Variants in MIGA1 observed in about 807,000 individuals in gnomAD.
MIGA1 encodes family with sequence similarity 73, member A.
MIGA1 carries 58 observed loss-of-function variants against 82.0 expected under a neutral mutation model. The observed-to-expected ratio is 0.71, with a 90% CI of 0.57 to 0.88. MIGA1 has a LOEUF of 0.88. MIGA1 is among the 40% of genes least tolerant of loss of function. The probability of loss-of-function intolerance (pLI) is 0.00; values close to 1 mark genes in which losing one functional copy is unlikely to be tolerated. For synonymous variants in MIGA1, 249 were observed against 253.6 expected (o/e 0.98, Z 0.17); for missense variants, 751 against 749.1 (o/e 1.00, Z -0.03).
chr1:77,869,895 C>T (rs1407876951), intron 14 of MIGA1, among the ~76,000 whole-genome samples: 2 of 125,558 alleles, frequency 1.6e-5, no homozygotes, highest in Admixed American at 7.3e-5. Flanking sequence ...CCGGACGGGG[C>T]GGCTGGCCGG....
At chr1:77,811,226 C>T (rs1683314902) in intron 5 of MIGA1, 20 of 1,557,470 alleles carry the variant, frequency 1.3e-5, no homozygotes, top group Non-Finnish European at 1.7e-5. Flanking sequence ...ATATAGGGAT[C>T]GATGCACTGC....
Position 77,875,127 on chromosome 1 carries a change from G to C in MIGA1, c.*63G>C. The C allele has an allele frequency of 7.6e-7, 1 of 1,323,602 alleles. No homozygotes were observed. The allele number at this position is 1,323,602 out of a possible 1,614,324, so 82.0% of individuals were successfully genotyped here. ...ATATTTTAAGGTAACTATTGATTTT[G>C]TAACATATATTACAAAGTTAACAGA... On this transcript the variant is annotated 3_prime_UTR_variant, in exon 16 of 16. Coordinates refer to ENST00000370791, the MANE Select transcript of MIGA1 (RefSeq NM_198549.4).
At chr1:77,854,431 C>T (rs527454396) in intron 8 of MIGA1, among the ~76,000 whole-genome samples, 5 of 152,140 alleles carry the variant, frequency 3.3e-5, no homozygotes, top group African/African-American at 9.7e-5. Context: ...GTGGGCTTGC[C>T]GGATCAAATG....
intron 7 of MIGA1, among the ~76,000 whole-genome samples, chr1:77,825,172 A>G (rs1250092293): frequency 6.6e-6 from 1 of 151,548 alleles, no homozygotes; most frequent in Non-Finnish European, 1.5e-5. Context: ...ACACCTGGCT[A>G]ATTTCTGTAT....
intron 8 of MIGA1, among the ~76,000 whole-genome samples, chr1:77,856,796 A>G (rs938742431): frequency 6.6e-6 from 1 of 151,990 alleles, no homozygotes. Context: ...CTAAAGGTCT[A>G]TCAATTTTAT....
At chr1:77,867,287 A>C (rs1685706123) in intron 14 of MIGA1, among the ~76,000 whole-genome samples, 1 of 152,130 alleles carries the variant, frequency 6.6e-6, no homozygotes, top group African/African-American at 2.4e-5. Context: ...CAGTTTCCTT[A>C]TCTCTAAAAA....
At chr1:77,872,782 C>G (rs566489368) in intron 14 of MIGA1, among the ~76,000 whole-genome samples, 1 of 152,202 alleles carries the variant, frequency 6.6e-6, no homozygotes, top group Non-Finnish European at 1.5e-5. Flanking sequence ...GTCATGAGCC[C>G]TGCACTATAG....
intron 2 of MIGA1, among the ~76,000 whole-genome samples, chr1:77,795,769 A>G (rs1426593377): frequency 6.7e-6 from 1 of 150,368 alleles, no homozygotes; most frequent in Admixed American, 6.7e-5. Flanking sequence ...AGCTGGGATT[A>G]TAGGTGTGCG....
chr1:77,800,136 G>A (rs1454662711), intron 2 of MIGA1, among the ~76,000 whole-genome samples: 1 of 152,156 alleles, frequency 6.6e-6, no homozygotes, highest in Non-Finnish European at 1.5e-5. Flanking sequence ...CACAGAAGCT[G>A]CTGTTTCCCT....
chr1:77,870,749 T>C (rs1291225659), intron 14 of MIGA1, among the ~76,000 whole-genome samples: 1 of 145,320 alleles, frequency 6.9e-6, no homozygotes. Context: ...GAGGTGGAGG[T>C]TGTAGCGAGC....
At chr1:77,851,526 A>G (rs1001328986) in intron 8 of MIGA1, among the ~76,000 whole-genome samples, 1 of 152,172 alleles carries the variant, frequency 6.6e-6, no homozygotes, top group Non-Finnish European at 1.5e-5. Context: ...AATTCTTCCT[A>G]TGTGATGTAT....
At chr1:77,794,717 G>A (rs1448754990) in intron 2 of MIGA1, among the ~76,000 whole-genome samples, 1 of 152,096 alleles carries the variant, frequency 6.6e-6, no homozygotes, top group African/African-American at 2.4e-5. Flanking sequence ...TGGGAGGATC[G>A]CTTGAGCCCT....
intron 8 of MIGA1, chr1:77,848,650 A>G (rs1293644064): frequency 6.4e-6 from 10 of 1,569,786 alleles, no homozygotes; most frequent in Non-Finnish European, 8.8e-6. Flanking sequence ...AAGGCAAGAG[A>G]AGGGTAAAGA....
chr1:77,868,171 AATG>A (rs1197027665), intron 14 of MIGA1: 3 of 152,234 alleles, frequency 2.0e-5, no homozygotes, highest in Non-Finnish European at 4.4e-5. Context: ...TTATAATAAT[AATG>A]ATATATTATT....
At chr1:77,808,403 CA>C (rs1683190007) in intron 5 of MIGA1, among the ~76,000 whole-genome samples, 1 of 152,128 alleles carries the variant, frequency 6.6e-6, no homozygotes, top group East Asian at 1.9e-4. Context: ...CAGCCTACTA[CA>C]CTATCTTAAC....
At chr1:77,809,698 A>G (rs1683242128) in intron 5 of MIGA1, among the ~76,000 whole-genome samples, 1 of 152,100 alleles carries the variant, frequency 6.6e-6, no homozygotes, top group South Asian at 2.1e-4. Context: ...TTAGAGTTGC[A>G]TAACTTGGAG....
chr1:77,820,378 A>G (rs1683755716), intron 7 of MIGA1, among the ~76,000 whole-genome samples: 1 of 152,206 alleles, frequency 6.6e-6, no homozygotes, highest in African/African-American at 2.4e-5. Flanking sequence ...CTGTGGATGC[A>G]GACTAACTGG....
In MIGA1 at chr1:77,879,407, T is replaced by C. The variant is rs1267221629; in HGVS notation, c.*4343T>C. 1.3e-5 allele frequency: 2 copies of C among 152,196 alleles called. No homozygotes were observed. The highest frequency in any genetic ancestry group is 1.5e-5 in the Non-Finnish European group (1 of 68,036). 9.4% of individuals were successfully genotyped at this position (152,196 alleles called of 1,614,324 possible). ...AGTAAATGTTTCTGTCTCCTAAATG[T>C]AAGGACTGTACTCATTAATTTGTGT... On this transcript the variant is annotated 3_prime_UTR_variant, in exon 16 of 16. Transcript: ENST00000370791.
Position 77,878,394 on chromosome 1 carries a change from C to CAAAAAAAAAAAAAAAA in MIGA1, c.*3342_*3357dup, listed in dbSNP as rs1170657797. On this transcript the variant is annotated 3_prime_UTR_variant, in exon 16 of 16. Transcript: ENST00000370791. ...GGGCAACAAGAGTAAAACTCTGTCT[C>CAAAAAAAAAAAAAAAA]AAAAAAAAAAAAAAAAAAAAAAAAA... The CAAAAAAAAAAAAAAAA allele has an allele frequency of 1.1e-4, 4 of 35,580 alleles. No individual in the cohort carries two copies. The highest frequency in any genetic ancestry group is 4.3e-4 in the Admixed American group (1 of 2,312). The allele number at this position is 35,580 out of a possible 1,614,324, so 2.2% of individuals were successfully genotyped here.
Sources: gnomAD v4.1 joint callset for allele counts (sites outside exome capture counted in the v4.1 genomes callset) on GRCh38, gnomAD v4.1.1 for gene constraint, MANE v1.5 for transcripts, NCBI Gene and HGNC (gene_info 2026-07-23, HGNC 2026-07-21) for gene names.